Variants in PKD1L3 observed in about 807,000 individuals in gnomAD.
The protein encoded by PKD1L3 is polycystin-1-like protein 3.
PKD1L3 carries 239 observed loss-of-function variants against 184.1 expected under a neutral mutation model. The observed-to-expected ratio is 1.30, with a 90% CI of 1.17 to 1.45. The LOEUF (loss-of-function observed/expected upper bound fraction) is 1.45, where lower values mean the gene tolerates loss of function less well. Ranked by LOEUF, PKD1L3 falls within the 40% of genes most tolerant of loss-of-function variation. The pLI is 0.00. For missense variants in PKD1L3, 2,660 were observed against 2,067.2 expected (o/e 1.29, Z -5.56); for synonymous variants, 996 against 778.8 (o/e 1.28, Z -4.64).
At chr16:71,964,770 CCT>C in intron 15 of PKD1L3, among the ~76,000 whole-genome samples, 1 of 151,862 alleles carries the variant, frequency 6.6e-6, no homozygotes, top group Non-Finnish European at 1.5e-5. Flanking sequence ...GATCTGCTGT[CCT>C]CTGTCTTTAT....
intron 2 of PKD1L3, 50 bp from the exon 3 acceptor site, chr16:71,993,382 A>G (rs963236361): frequency 2.5e-6 from 3 of 1,190,190 alleles, no homozygotes; most frequent in Admixed American, 5.1e-5. Context: ...AGCTATGGCT[A>G]CAAGTCTATA....
At position 71,929,761 on chromosome 16, in the gene PKD1L3, T is replaced by A. The variant is rs925865664; in HGVS notation, c.5059-83A>T. 7.0e-6 allele frequency: 9 copies of A among 1,289,064 alleles called. No homozygotes were observed. The African/African-American group carries it at 7.6e-5, about 11-fold the overall frequency. The allele number at this position is 1,289,064 out of a possible 1,614,324, so 79.9% of individuals were successfully genotyped here. On this transcript the variant is annotated intron_variant, in intron 29 of 29. Coordinates refer to ENST00000620267, the MANE Select transcript of PKD1L3 (RefSeq NM_181536.2). Reference sequence around the variant, plus strand: ...GAGTAAAAAAAGTACCAAAGATTTTTAAAAAATTAGTAAATGTAAAGATAC... The same window carrying A: ...GAGTAAAAAAAGTACCAAAGATTTTAAAAAAATTAGTAAATGTAAAGATAC...
chr16:71,980,766 T>C (rs556206958), intron 7 of PKD1L3, among the ~76,000 whole-genome samples: 23 of 151,808 alleles, frequency 1.5e-4, no homozygotes, highest in African/African-American at 5.6e-4. Context: ...ACCCGGGAGG[T>C]GGAGGTTGCA....
chr16:71,979,325 T>TC (rs2040057726), intron 9 of PKD1L3, among the ~76,000 whole-genome samples: 1 of 152,116 alleles, frequency 6.6e-6, no homozygotes, highest in Admixed American at 6.6e-5. Context: ...ATGCCTGTAA[T>TC]CCCAGCTACT....
intron 16 of PKD1L3, among the ~76,000 whole-genome samples, chr16:71,959,935 A>G (rs760472046): frequency 6.6e-6 from 1 of 152,190 alleles, no homozygotes. Context: ...CTTGGGCAAC[A>G]TGGTGAGACC....
chr16:71,980,277 T>C, intron 7 of PKD1L3, 143 bp from the exon 8 acceptor site: 1 of 1,158,126 alleles, frequency 8.6e-7, no homozygotes, highest in East Asian at 2.6e-5. Context: ...CCTTGGAATC[T>C]CACAGAAAGT....
At chr16:71,985,998 T>A (rs540597093) in intron 5 of PKD1L3, among the ~76,000 whole-genome samples, 1 of 152,324 alleles carries the variant, frequency 6.6e-6, no homozygotes, top group South Asian at 2.1e-4. Context: ...ATCTGAAGCA[T>A]TAAATAGAAT....
At chr16:71,931,526 G>A (rs1390984727) in intron 28 of PKD1L3, among the ~76,000 whole-genome samples, 4 of 143,574 alleles carry the variant, frequency 2.8e-5, no homozygotes, top group Admixed American at 2.2e-4. Context: ...GTGCAGTGGC[G>A]TGATCTTGGC....
At chr16:71,946,515 G>C (rs1047853423) in intron 22 of PKD1L3, among the ~76,000 whole-genome samples, 4 of 151,882 alleles carry the variant, frequency 2.6e-5, no homozygotes, top group African/African-American at 9.7e-5. Context: ...GTGTTTGTGA[G>C]GTTCATCCAG....
rs141504328 is a variant in PKD1L3, at chr16:71,939,837, C to A, written c.4325-2418G>T. On this transcript the variant is annotated intron_variant, in intron 24 of 29. Coordinates refer to ENST00000620267, the MANE Select transcript of PKD1L3 (RefSeq NM_181536.2). ...GGACCAGTTTAACTCCAATCCCTTA[C>A]AAAATGCCACTATAATGAAAGTGAC... Among the ~76,000 whole-genome samples the A allele has an allele frequency of 3.2e-3, 486 of 152,144 alleles. 2 individuals are homozygous for A. The highest frequency in any genetic ancestry group is 0.01 in the Middle Eastern group (3 of 294).
At chr16:71,985,905 G>C (rs1459639201) in intron 5 of PKD1L3, among the ~76,000 whole-genome samples, 1 of 152,212 alleles carries the variant, frequency 6.6e-6, no homozygotes, top group African/African-American at 2.4e-5. Flanking sequence ...ACAAGGCGGA[G>C]AGAGGGGACA....
intron 16 of PKD1L3, among the ~76,000 whole-genome samples, chr16:71,958,948 A>G (rs1316549911): frequency 6.7e-6 from 1 of 150,184 alleles, no homozygotes; most frequent in Non-Finnish European, 1.5e-5. Context: ...TTAGCCAGGC[A>G]TGGCAGCGTG....
At chr16:71,994,749 C>T (rs546108991) in intron 2 of PKD1L3, among the ~76,000 whole-genome samples, 1 of 152,134 alleles carries the variant, frequency 6.6e-6, no homozygotes, top group South Asian at 2.1e-4. Flanking sequence ...CTGTAATCCC[C>T]GCACTTAGGG....
chr16:71,989,444 T>C (rs536831534), intron 4 of PKD1L3, among the ~76,000 whole-genome samples: 44 of 152,320 alleles, frequency 2.9e-4, no homozygotes, highest in Admixed American at 1.8e-3. Flanking sequence ...TGAGCCACCG[T>C]GCCCAGCCTC....
intron 16 of PKD1L3, among the ~76,000 whole-genome samples, chr16:71,957,813 G>A (rs1212482590): frequency 1.3e-5 from 2 of 152,112 alleles, no homozygotes; most frequent in Non-Finnish European, 2.9e-5. Context: ...GGGCTGGAGT[G>A]GCTATACTCA....
intron 5 of PKD1L3, among the ~76,000 whole-genome samples, chr16:71,985,563 C>T (rs1023522102): frequency 1.3e-5 from 2 of 152,114 alleles, no homozygotes; most frequent in Non-Finnish European, 1.5e-5. Context: ...CCCCAAGTAG[C>T]TGGGACTACA....
rs2038088689 is a variant in PKD1L3, at chr16:71,934,071, C to T, written c.4668G>A (p.Val1556=). The part of the protein sequence containing the change: ...VKVNSAATHL[V]GFPVLLATVQ... The stretch of plus-strand genomic sequence containing the variant: ...CAGTTGCCAGGAGAACCGGGAAGCC[C>T]ACAAGGTGAGTCGCAGCAGAGTTCA... The change falls in exon 27 of 30, where the codon GTG becomes GTA. Residue 1556 remains valine (V), a synonymous_variant. Transcript: ENST00000620267. The T allele has an allele frequency of 1.9e-6, 3 of 1,551,804 alleles. No homozygotes were observed. Among genetic ancestry groups the T allele is most frequent in the Non-Finnish European group, 8.7e-7 (1 of 1,147,058 alleles).
intron 16 of PKD1L3, among the ~76,000 whole-genome samples, chr16:71,958,248 G>A (rs1190074241): frequency 2.0e-5 from 3 of 150,754 alleles, no homozygotes; most frequent in East Asian, 2.0e-4. Context: ...TTAGCTGGGC[G>A]TAGTGGCGGG....
chr16:71,990,254 T>G (rs775493274), intron 4 of PKD1L3, 26 bp downstream of exon 4: 17 of 1,512,876 alleles, frequency 1.1e-5, no homozygotes, highest in Non-Finnish European at 1.4e-5. Flanking sequence ...CATTTCACAA[T>G]GTATGTTGTC....
Sources: gnomAD v4.1 joint callset for allele counts (sites outside exome capture counted in the v4.1 genomes callset) on GRCh38, gnomAD v4.1.1 for gene constraint, MANE v1.5 for transcripts, NCBI Gene and HGNC (gene_info 2026-07-23, HGNC 2026-07-21) for gene names.